EBF3: variants seen among roughly 807,000 people sequenced by gnomAD.
EBF3 encodes transcription factor COE3.
A neutral mutation model predicts 77.1 loss-of-function variants in EBF3; 18 were observed. That is an observed-to-expected ratio of 0.23 (90% CI 0.16 to 0.35). The LOEUF is 0.35. EBF3 is among the 10% of genes least tolerant of loss of function. EBF3 has a pLI of 1.00. For synonymous variants in EBF3, 350 were observed against 343.5 expected (o/e 1.02, Z -0.21); for missense variants, 558 against 860.0 (o/e 0.65, Z 4.39).
chr10:129,906,541 G>A (rs1362336675), intron 6 of EBF3, among the ~76,000 whole-genome samples: 1 of 152,204 alleles, frequency 6.6e-6, no homozygotes, highest in East Asian at 1.9e-4. Context: ...CCTCCTGTGA[G>A]TCTAGGGAGA....
In EBF3 at chr10:129,842,272, C is replaced by A. The variant is rs1161872025; in HGVS notation, c.1216G>T (p.Ala406Ser). 3.7e-6 allele frequency: 6 copies of A among 1,602,778 alleles called. No homozygotes were observed. Among genetic ancestry groups the A allele is most frequent in the African/African-American group, 1.3e-5 (1 of 74,736 alleles). The part of the protein sequence containing the change: ...NNQEIILKRA[A>S]DIAEALYSVP... ...CTGTACAGCGCCTCGGCGATGTCCG[C>A]CGCTCGCTTCAAGATGATCTCCTGC... is the stretch of plus-strand genomic sequence containing the variant. Residue 406 changes from alanine to serine, a missense_variant, in exon 13 of 17, where the codon GCG (alanine) becomes TCG (serine). Physicochemically the swap from Ala to Ser is moderately conservative, Grantham distance 99. Around this residue, in one of 5 missense-constraint regions of EBF3, gnomAD observed 284 missense variants for 368.3 expected, o/e 0.77. Coordinates refer to ENST00000440978, the MANE Select transcript of EBF3 (RefSeq NM_001375380.1). This position sits in a 1 kb window ranked among gnomAD's most constrained non-coding sequence, Gnocchi z 4.4.
chr10:129,942,282 C>T (rs1473705698), intron 6 of EBF3, among the ~76,000 whole-genome samples: 1 of 152,190 alleles, frequency 6.6e-6, no homozygotes, highest in Admixed American at 6.5e-5. Flanking sequence ...TGGTCCAGGA[C>T]CCTTCTTTAG....
chr10:129,919,306 G>A (rs1183583816), intron 6 of EBF3, among the ~76,000 whole-genome samples: 1 of 152,140 alleles, frequency 6.6e-6, no homozygotes, highest in African/African-American at 2.4e-5. Flanking sequence ...AGGGAAGGCT[G>A]TCCAGGTGGA....
At chr10:129,895,807 C>T (rs1253489496) in intron 6 of EBF3, among the ~76,000 whole-genome samples, 1 of 152,124 alleles carries the variant, frequency 6.6e-6, no homozygotes, top group Non-Finnish European at 1.5e-5. Context: ...TTTCTCTGCA[C>T]ATATTAGTTA....
chr10:129,865,358 T>A (rs1851929642), intron 10 of EBF3, among the ~76,000 whole-genome samples: 1 of 152,224 alleles, frequency 6.6e-6, no homozygotes, highest in Non-Finnish European at 1.5e-5. Context: ...ATGTCTTTAT[T>A]TTTTTAAAAC....
rs759290692 is a variant in EBF3, at chr10:129,897,143, G to A, written c.555-19294C>T. ...AGGAAGACAAAGCCGGTCTCCTTTC[G>A]GGGTCCTGGGATGAGCACTGTGGTC... On this transcript the variant is annotated intron_variant, in intron 6 of 16. Transcript: ENST00000440978. The surrounding 1 kb of genome is among the most constrained non-coding windows in gnomAD (Gnocchi z 4.6). 1.4e-4 allele frequency among the ~76,000 whole-genome samples: 21 copies of A among 152,168 alleles called. No homozygotes were observed. The highest frequency in any genetic ancestry group is 2.4e-4 in the Non-Finnish European group (16 of 68,040).
chr10:129,917,681 T>TAAAAAAAAAAAAAAA (rs1239226466), intron 6 of EBF3, among the ~76,000 whole-genome samples: 56 of 60,402 alleles, frequency 9.3e-4, no homozygotes, highest in African/African-American at 1.1e-3. Context: ...AAAAAAAAAC[T>TAAAAAAAAAAAAAAA]AAAACCAAGC....
At position 129,936,016 on chromosome 10, in the gene EBF3, G is replaced by A. The variant is rs1366024095; in HGVS notation, c.554+21242C>T. On this transcript the variant is annotated intron_variant, in intron 6 of 16. Coordinates refer to ENST00000440978, the MANE Select transcript of EBF3 (RefSeq NM_001375380.1). ...AACAATGCAGCTGGTGCCCAGGGCT[G>A]CGAGTCAACGGCGGCAGGTGCAGAT... Among the ~76,000 whole-genome samples the A allele has an allele frequency of 2.0e-5, 3 of 152,328 alleles. No homozygotes were observed. In the East Asian group the frequency reaches 5.8e-4, roughly 29 times the overall value.
At chr10:129,961,461 T>C (rs1859515050) in intron 4 of EBF3, among the ~76,000 whole-genome samples, 2 of 152,186 alleles carry the variant, frequency 1.3e-5, no homozygotes, top group Non-Finnish European at 2.9e-5. Context: ...TTAATCACAT[T>C]ACTGATAGCC....
chr10:129,883,769 TG>T (rs1853373452), intron 6 of EBF3, among the ~76,000 whole-genome samples: 1 of 105,108 alleles, frequency 9.5e-6, no homozygotes, highest in East Asian at 3.1e-4. Context: ...GAGGGGAGGA[TG>T]GGGAACAGCT....
In EBF3 at chr10:129,837,906, T is replaced by A; in HGVS notation, c.*37A>T. On this transcript the variant is annotated 3_prime_UTR_variant, in exon 17 of 17. Transcript: ENST00000440978. The stretch of plus-strand genomic sequence containing the variant: ...AAGTCCGTCCTTTGATGCTGGGTGC[T>A]GCGGAAGGTAAACAGAAGTCCCTCA... The A allele has an allele frequency of 1.9e-6, 3 of 1,614,174 alleles. No homozygotes were observed. The highest frequency in any genetic ancestry group is 2.5e-6 in the Non-Finnish European group (3 of 1,180,024).
At chr10:129,868,327 T>C (rs1042519281) in intron 8 of EBF3, among the ~76,000 whole-genome samples, 7 of 152,202 alleles carry the variant, frequency 4.6e-5, no homozygotes, top group Non-Finnish European at 8.8e-5. Context: ...AAGCAGCTAA[T>C]TGGGTTGGGT....
At chr10:129,890,321 G>A (rs745633424) in intron 6 of EBF3, among the ~76,000 whole-genome samples, 8 of 152,162 alleles carry the variant, frequency 5.3e-5, no homozygotes, top group Non-Finnish European at 8.8e-5. Context: ...GACCCCAGGC[G>A]GCAGGCCGGC....
chr10:129,860,630 T>C (rs1186179367), intron 10 of EBF3, among the ~76,000 whole-genome samples: 1 of 152,122 alleles, frequency 6.6e-6, no homozygotes, highest in Non-Finnish European at 1.5e-5. Flanking sequence ...GACAGACAAA[T>C]GTGTCTTGTT....
intron 5 of EBF3, among the ~76,000 whole-genome samples, chr10:129,958,436 T>C (rs1218084961): frequency 1.3e-5 from 2 of 152,214 alleles, no homozygotes; most frequent in Admixed American, 1.3e-4. Flanking sequence ...ACGGGCACGC[T>C]ATCTAACAAC....
At chr10:129,907,115 G>A (rs1191697377) in intron 6 of EBF3, among the ~76,000 whole-genome samples, 2 of 152,230 alleles carry the variant, frequency 1.3e-5, no homozygotes, top group African/African-American at 2.4e-5. Flanking sequence ...GCCTCGGCCT[G>A]CCAGAGAAGG....
At chr10:129,839,750 G>T (rs1461358988) in intron 15 of EBF3, among the ~76,000 whole-genome samples, 1 of 152,216 alleles carries the variant, frequency 6.6e-6, no homozygotes, top group Non-Finnish European at 1.5e-5. Context: ...ATTTTGAGAT[G>T]GGCTCCACAG....
At chr10:129,895,170 T>A (rs1854283374) in intron 6 of EBF3, among the ~76,000 whole-genome samples, 1 of 152,250 alleles carries the variant, frequency 6.6e-6, no homozygotes, top group Admixed American at 6.5e-5. Flanking sequence ...ATGGAGCTGC[T>A]GGGAGGACTA....
intron 6 of EBF3, among the ~76,000 whole-genome samples, chr10:129,929,180 C>T (rs1435750796): frequency 1.3e-5 from 2 of 152,038 alleles, no homozygotes; most frequent in Non-Finnish European, 2.9e-5. Flanking sequence ...GGAGGATGGT[C>T]TTCTTTATTT....
Sources: allele counts gnomAD v4.1 joint callset (sites outside exome capture counted in the v4.1 genomes callset), GRCh38; gene constraint gnomAD v4.1.1; regional missense constraint gnomAD v4.1.1; non-coding constraint Gnocchi (gnomAD v3.1); transcripts MANE v1.5; gene names NCBI Gene and HGNC (gene_info 2026-07-23, HGNC 2026-07-21).